The following CSMD1 variants were observed in gnomAD, a reference collection of about 807,000 sequenced individuals.
The protein encoded by CSMD1 is CUB and Sushi multiple domains 1, also known as CUB and sushi domain-containing protein 1.
In CSMD1, 213 loss-of-function variants were observed where a neutral mutation model predicts 417.5. The observed-to-expected ratio is 0.51, with a 90% CI of 0.46 to 0.57. CSMD1 has a LOEUF of 0.57. Among genes scored for constraint, CSMD1 ranks in the 20% least tolerant of loss-of-function variants. CSMD1 has a pLI of 0.00. For synonymous variants in CSMD1, 2,862 were observed against 1,736.8 expected (o/e 1.65, Z -16.11); for missense variants, 6,923 against 4,529.7 (o/e 1.53, Z -15.17).
At position 3,242,733 on chromosome 8, in the gene CSMD1, AAG is replaced by A. The variant is rs1799622387; in HGVS notation, c.4154-12504_4154-12503del. ...TAGTGAAGGAAGCAAGCCCAGAGAA[AAG>A]AGAGAGTAGAGACATGGAGGGAAGG... On this transcript the variant is annotated intron_variant, in intron 26 of 69. Coordinates refer to ENST00000635120, the MANE Select transcript of CSMD1 (RefSeq NM_033225.6). Among the ~76,000 whole-genome samples, 5 of 151,810 alleles carry A rather than the reference AAG, an allele frequency of 3.3e-5. No individual in the cohort carries two copies. In the East Asian group the frequency reaches 5.9e-4, roughly 18 times the overall value.
At position 3,274,086 on chromosome 8, in the gene CSMD1, C is replaced by T. The variant is rs550087915; in HGVS notation, c.4153+10058G>A. On this transcript the variant is annotated intron_variant, in intron 26 of 69. Transcript: ENST00000635120. ...ATTTAGTGCTATAAATTTCCCTCTA[C>T]ACACTGCTTTGAATGTGTCCCAGAG... is the stretch of plus-strand genomic sequence containing the variant. 1.7e-4 allele frequency among the ~76,000 whole-genome samples: 26 copies of T among 151,896 alleles called. No homozygotes were observed. The East Asian group carries it at 4.5e-3, about 26-fold the overall frequency.
intron 3 of CSMD1, among the ~76,000 whole-genome samples, chr8:4,205,861 C>T (rs866184111): frequency 6.6e-6 from 1 of 152,134 alleles, no homozygotes; most frequent in Middle Eastern, 3.2e-3. Flanking sequence ...CATCAAAAAA[C>T]AGAAAATGAA....
intron 10 of CSMD1, among the ~76,000 whole-genome samples, chr8:3,552,515 G>C (rs1365167606): frequency 6.6e-6 from 1 of 152,160 alleles, no homozygotes; most frequent in East Asian, 1.9e-4. Flanking sequence ...TTGCTAAAGA[G>C]ACTCAAAAGT....
intron 10 of CSMD1, among the ~76,000 whole-genome samples, chr8:3,503,817 C>T (rs929240142): frequency 7.1e-6 from 1 of 141,774 alleles, no homozygotes; most frequent in Non-Finnish European, 1.6e-5. Flanking sequence ...CCCTCCATCT[C>T]CCCCCATCCC....
chr8:4,250,275 T>C lies in CSMD1; in HGVS notation c.415+169678A>G, dbSNP rs188812865. Among the ~76,000 whole-genome samples the C allele has an allele frequency of 3.9e-5, 6 of 152,298 alleles. No homozygotes were observed. In the East Asian group the frequency reaches 5.8e-4, roughly 15 times the overall value. The stretch of plus-strand genomic sequence containing the variant: ...CAAGAACAAAAAGCCTCTCTAGTGA[T>C]ATAAATAGCCCAGCTCAGCTTAGGA... On this transcript the variant is annotated intron_variant, in intron 3 of 69. Coordinates refer to ENST00000635120, the MANE Select transcript of CSMD1 (RefSeq NM_033225.6).
chr8:3,728,051 G>C (rs1239985003), intron 6 of CSMD1, among the ~76,000 whole-genome samples: 3 of 152,120 alleles, frequency 2.0e-5, no homozygotes, highest in Non-Finnish European at 4.4e-5. Context: ...TTGTACATTT[G>C]AAAGGGTTTG....
At chr8:2,990,125 C>T (rs932332680) in intron 54 of CSMD1, among the ~76,000 whole-genome samples, 2 of 152,186 alleles carry the variant, frequency 1.3e-5, no homozygotes, top group African/African-American at 2.4e-5. Context: ...TTCCTTCAGT[C>T]ATGCAATTTA....
chr8:4,814,756 T>A (rs78647700), intron 1 of CSMD1, among the ~76,000 whole-genome samples: 3 of 152,162 alleles, frequency 2.0e-5, no homozygotes, highest in Non-Finnish European at 4.4e-5. Flanking sequence ...ATTGAGATCA[T>A]TGATAAGGAA....
At chr8:3,902,249 A>T (rs1807803945) in intron 5 of CSMD1, among the ~76,000 whole-genome samples, 1 of 152,096 alleles carries the variant, frequency 6.6e-6, no homozygotes, top group Admixed American at 6.6e-5. Flanking sequence ...CCCAACCCAC[A>T]TTCTAGGGTC....
chr8:4,234,280 A>G (rs944514389), intron 3 of CSMD1, among the ~76,000 whole-genome samples: 6 of 152,156 alleles, frequency 3.9e-5, no homozygotes, highest in Admixed American at 1.3e-4. Context: ...ACACGAAGTG[A>G]TCTATGGGAC....
intron 1 of CSMD1, among the ~76,000 whole-genome samples, chr8:4,648,866 A>C (rs1803704267): frequency 6.6e-6 from 1 of 152,188 alleles, no homozygotes; most frequent in African/African-American, 2.4e-5. Context: ...CACCCACCAC[A>C]GTAACAACGT....
At chr8:4,773,601 G>C in intron 1 of CSMD1, among the ~76,000 whole-genome samples, 1 of 152,086 alleles carries the variant, frequency 6.6e-6, no homozygotes, top group East Asian at 1.9e-4. Flanking sequence ...GGATACCAAG[G>C]ATTCCTCAGG....
At chr8:4,292,367 C>T (rs1000869087) in intron 3 of CSMD1, among the ~76,000 whole-genome samples, 2 of 152,098 alleles carry the variant, frequency 1.3e-5, no homozygotes, top group Non-Finnish European at 1.5e-5. Flanking sequence ...TTTCTCCTGC[C>T]TCAGCCTCCA....
At chr8:4,457,292 G>T (rs552177559) in intron 2 of CSMD1, among the ~76,000 whole-genome samples, 1 of 152,098 alleles carries the variant, frequency 6.6e-6, no homozygotes, top group South Asian at 2.1e-4. Flanking sequence ...CATTTGAATT[G>T]CATCTTTCTA....
At chr8:3,263,698 C>G (rs772829191) in intron 26 of CSMD1, among the ~76,000 whole-genome samples, 2 of 152,102 alleles carry the variant, frequency 1.3e-5, no homozygotes, top group African/African-American at 4.8e-5. Context: ...ATACTGTTCA[C>G]AATAGTATTT....
chr8:3,710,646 G>A (rs1366219807), intron 6 of CSMD1, among the ~76,000 whole-genome samples: 1 of 152,032 alleles, frequency 6.6e-6, no homozygotes, highest in Non-Finnish European at 1.5e-5. Context: ...CATGCCTCTT[G>A]GACTCTACCC....
intron 25 of CSMD1, among the ~76,000 whole-genome samples, chr8:3,301,261 G>C (rs560865938): frequency 2.0e-5 from 3 of 152,116 alleles, no homozygotes; most frequent in East Asian, 1.9e-4. Flanking sequence ...AGGGTGGTCA[G>C]TGGAAACCTG....
rs188228510 is a variant in CSMD1, at chr8:3,203,770, T to C, written c.4984+1734A>G. The stretch of plus-strand genomic sequence containing the variant: ...TAGATTTGTGTTTTAGAAAGAATTC[T>C]TGGCTATGCTTTTGGATGAGAATAG... On this transcript the variant is annotated intron_variant, in intron 31 of 69. Coordinates refer to ENST00000635120, the MANE Select transcript of CSMD1 (RefSeq NM_033225.6). 5.3e-5 allele frequency among the ~76,000 whole-genome samples: 8 copies of C among 152,314 alleles called. No homozygotes were observed. The East Asian group carries it at 1.5e-3, about 29-fold the overall frequency.
intron 2 of CSMD1, among the ~76,000 whole-genome samples, chr8:4,461,741 A>T (rs2918045): frequency 0.027 from 3,401 of 124,446 alleles, 162 homozygotes; most frequent in African/African-American, 0.097. Context: ...TTATTTACTT[A>T]TTTTTTTTTT....
Sources: gnomAD v4.1 joint callset for allele counts (sites outside exome capture counted in the v4.1 genomes callset) on GRCh38, gnomAD v4.1.1 for gene constraint, MANE v1.5 for transcripts, NCBI Gene and HGNC (gene_info 2026-07-23, HGNC 2026-07-21) for gene names.